Variants in NHERF2 observed in about 807,000 individuals in gnomAD.
NHERF2 encodes the protein NHERF family PDZ scaffold protein 2.
the NHERF2 span, chr16:2,037,110 AT>A: frequency 3.1e-6 from 4 of 1,279,260 alleles, no homozygotes; most frequent in Non-Finnish European, 4.4e-6. Flanking sequence ...GTGACACCCG[AT>A]TTTAGCCCTG....
At chr16:2,030,693 C>T in the NHERF2 span, among the ~76,000 whole-genome samples, 1 of 149,688 alleles carries the variant, frequency 6.7e-6, no homozygotes, top group Non-Finnish European at 1.5e-5. Context: ...AATCCCAACA[C>T]TTCGGGAGGC....
chr16:2,032,789 C>A, the NHERF2 span: 19 of 995,238 alleles, frequency 1.9e-5, no homozygotes, highest in South Asian at 7.5e-4. This position sits in a 1 kb window ranked among gnomAD's most constrained non-coding sequence, Gnocchi z 4.0. Flanking sequence ...CAGGGGACAG[C>A]CCCCAAACAG....
At chr16:2,037,267 A>G in the NHERF2 span, among the ~76,000 whole-genome samples, 2 of 152,086 alleles carry the variant, frequency 1.3e-5, no homozygotes, top group Non-Finnish European at 2.9e-5. Context: ...CTGCCTCCTC[A>G]GGGAGCTGGC....
the NHERF2 span, chr16:2,036,817 G>C: frequency 3.1e-6 from 5 of 1,613,250 alleles, 2 homozygotes; most frequent in South Asian, 5.5e-5. Flanking sequence ...TGCTGGTCGT[G>C]GACCCCGAGA....
At chr16:2,033,071 T>G in the NHERF2 span, 18 of 985,266 alleles carry the variant, frequency 1.8e-5, no homozygotes, top group Non-Finnish European at 1.8e-5. Context: ...CCCTCAGCCC[T>G]GGGTCCTGGG....
At chr16:2,030,618 C>G in the NHERF2 span, among the ~76,000 whole-genome samples, 1 of 132,208 alleles carries the variant, frequency 7.6e-6, no homozygotes, top group East Asian at 2.1e-4. Flanking sequence ...TCTCTCCTAC[C>G]TTTTTTTTTT....
chr16:2,036,539 C>G, the NHERF2 span: 714 of 1,553,198 alleles, frequency 4.6e-4, 2 homozygotes, highest in East Asian at 0.01. Flanking sequence ...TGCCGAGTGC[C>G]CCGCACCTGT....
chr16:2,030,389 G>A, the NHERF2 span, among the ~76,000 whole-genome samples: 1 of 152,162 alleles, frequency 6.6e-6, no homozygotes, highest in Admixed American at 6.5e-5. Context: ...CTGGGACCCT[G>A]TCTGCTGTTC....
the NHERF2 span, chr16:2,037,651 T>G: frequency 6.3e-7 from 1 of 1,592,120 alleles, no homozygotes; most frequent in African/African-American, 1.3e-5. Flanking sequence ...CTAGAGGCCT[T>G]GGGGTAGGCG....
At chr16:2,036,870 AGCACGT>A in the NHERF2 span, 1 of 1,609,672 alleles carries the variant, frequency 6.2e-7, no homozygotes, top group Admixed American at 1.7e-5. Context: ...CCCACCGAGG[AGCACGT>A]GGAAGGTGGG....
chr16:2,038,664 C>T, the NHERF2 span: 1 of 264,042 alleles, frequency 3.8e-6, no homozygotes, highest in Non-Finnish European at 7.3e-6. Context: ...GGTCCCTAGG[C>T]CACACCCTGC....
chr16:2,034,959 G>C, the NHERF2 span, among the ~76,000 whole-genome samples: 6 of 152,218 alleles, frequency 3.9e-5, no homozygotes, highest in Non-Finnish European at 5.9e-5. Flanking sequence ...GAGTCTATGT[G>C]GTGGGGCCCT....
At chr16:2,027,254 C>T in the NHERF2 span, 1 of 1,226,156 alleles carries the variant, frequency 8.2e-7, no homozygotes, top group Non-Finnish European at 1.0e-6. Flanking sequence ...CCGCCGCCCC[C>T]TCCCCGAGCG....
chr16:2,028,076 C>T, the NHERF2 span, among the ~76,000 whole-genome samples: 1 of 152,362 alleles, frequency 6.6e-6, no homozygotes, highest in Admixed American at 6.5e-5. Context: ...GGACTCCCTC[C>T]AGACCCTGGT....
chr16:2,037,329 C>G, the NHERF2 span, among the ~76,000 whole-genome samples: 1 of 152,152 alleles, frequency 6.6e-6, no homozygotes, highest in East Asian at 1.9e-4. Context: ...CACCTGAACC[C>G]CCTCTGCACC....
chr16:2,032,558 G>A, the NHERF2 span, among the ~76,000 whole-genome samples: 1 of 152,250 alleles, frequency 6.6e-6, no homozygotes, highest in African/African-American at 2.4e-5. The surrounding 1 kb of genome is among the most constrained non-coding windows in gnomAD (Gnocchi z 4.0). Flanking sequence ...TTTGGTGAAG[G>A]ATGGAGAGGG....
chr16:2,029,761 C>G, the NHERF2 span: 3 of 1,553,376 alleles, frequency 1.9e-6, no homozygotes, highest in South Asian at 2.4e-5. Flanking sequence ...CCGGCAGCCA[C>G]AGCTCCGAAG....
the NHERF2 span, chr16:2,036,781 C>T: frequency 2.5e-6 from 4 of 1,613,494 alleles, no homozygotes; most frequent in Non-Finnish European, 3.4e-6. Flanking sequence ...TGGCCAGCAT[C>T]AAGGCACGGG....
At chr16:2,029,671 G>C in the NHERF2 span, 2 of 1,564,386 alleles carry the variant, frequency 1.3e-6, no homozygotes, top group Non-Finnish European at 1.7e-6. Flanking sequence ...GGCGGCAGCT[G>C]ACCTGTACCG....
Sources: allele counts gnomAD v4.1 joint callset (sites outside exome capture counted in the v4.1 genomes callset), GRCh38; gene constraint gnomAD v4.1.1; non-coding constraint Gnocchi (gnomAD v3.1); transcripts MANE v1.5; gene names NCBI Gene and HGNC (gene_info 2026-07-23, HGNC 2026-07-21).